Variants in KIR2DL4 observed in about 807,000 individuals in gnomAD.
The protein encoded by KIR2DL4 is killer cell immunoglobulin-like receptor 2DL4.
Under a neutral mutation model 31.0 loss-of-function variants are expected in KIR2DL4, and 41 were observed. The ratio of observed to expected loss-of-function variants is 1.32; its 90% CI spans 1.03 to 1.72. The LOEUF is 1.72. KIR2DL4 is among the 40% of genes most tolerant of loss of function. KIR2DL4 has a pLI of 0.00. For missense variants in KIR2DL4, 438 were observed against 353.7 expected (o/e 1.24, Z -1.91); for synonymous variants, 164 against 133.6 (o/e 1.23, Z -1.57).
intron 5 of KIR2DL4, among the ~76,000 whole-genome samples, chr19:54,810,285 A>ATT (rs199888594): frequency 2.8e-4 from 40 of 142,484 alleles, no homozygotes; most frequent in Non-Finnish European, 4.2e-4. Context: ...CGCCTGGCTA[A>ATT]TTTTTTTTTG....
intron 5 of KIR2DL4, among the ~76,000 whole-genome samples, chr19:54,812,680 C>G (rs1210313494): frequency 1.3e-5 from 2 of 150,062 alleles, no homozygotes; most frequent in African/African-American, 5.0e-5. Context: ...GCAGAGACCA[C>G]AGAGATCACA....
At chr19:54,805,176 C>A in intron 3 of KIR2DL4, 99 bp downstream of exon 3, 2 of 1,232,496 alleles carry the variant, frequency 1.6e-6, no homozygotes, top group Non-Finnish European at 2.2e-6. Context: ...CAGGCCCCAA[C>A]TATATTTGGG....
intron 5 of KIR2DL4, among the ~76,000 whole-genome samples, chr19:54,809,765 G>A (rs1601189056): frequency 6.6e-6 from 1 of 151,246 alleles, no homozygotes; most frequent in Non-Finnish European, 1.5e-5. Context: ...CATCTTTTAA[G>A]GACTTTGGCA....
intron 5 of KIR2DL4, 47 bp downstream of exon 5, chr19:54,808,930 G>C: frequency 6.8e-7 from 1 of 1,475,480 alleles, no homozygotes; most frequent in Non-Finnish European, 9.5e-7. Flanking sequence ...ACCTGGGGAG[G>C]TAGAAGCCTT....
chr19:54,807,440 G>A (rs1156810121), intron 4 of KIR2DL4, among the ~76,000 whole-genome samples: 2 of 151,332 alleles, frequency 1.3e-5, no homozygotes, highest in African/African-American at 4.9e-5. Flanking sequence ...TTTGTTTTAT[G>A]CTTTTTGTTT....
At chr19:54,813,928 T>G in exon 8 of KIR2DL4, 2 of 1,612,430 alleles carry the variant, frequency 1.2e-6, no homozygotes, top group Non-Finnish European at 8.5e-7. Flanking sequence ...CTGGCCCTTC[T>G]CAGAGGAGCA....
intron 3 of KIR2DL4, 67 bp from the exon 4 acceptor site, chr19:54,805,884 G>C: frequency 7.0e-7 from 1 of 1,421,002 alleles, no homozygotes; most frequent in Non-Finnish European, 9.6e-7. Context: ...TGAGTTCTCA[G>C]CTCAGGTGGG....
At chr19:54,814,177 C>A in exon 8 of KIR2DL4, 1 of 1,552,340 alleles carries the variant, frequency 6.4e-7, no homozygotes, top group Non-Finnish European at 8.8e-7. Flanking sequence ...CTGTCTCTTG[C>A]TTACCAATGT....
intron 5 of KIR2DL4, among the ~76,000 whole-genome samples, chr19:54,812,086 T>C (rs1358413380): frequency 6.6e-6 from 1 of 151,230 alleles, no homozygotes; most frequent in Non-Finnish European, 1.5e-5. Context: ...TCACTGTGTA[T>C]CAATCCCAGT....
chr19:54,814,275 C>G (rs2061079463), exon 8 of KIR2DL4: 1 of 760,342 alleles, frequency 1.3e-6, no homozygotes, highest in Non-Finnish European at 2.1e-6. Context: ...GCCCACCTCT[C>G]CAACCTAACT....
chr19:54,803,809 G>A, intron 1 of KIR2DL4, 82 bp from the exon 2 acceptor site: 1 of 1,566,426 alleles, frequency 6.4e-7, no homozygotes, highest in Non-Finnish European at 8.8e-7. Context: ...TTAATTTTCA[G>A]TCCAGCGTGG....
rs1470785060 is a variant in KIR2DL4, at chr19:54,806,322, G to C, written c.655+78G>C. 4.9e-6 allele frequency: 7 copies of C among 1,432,242 alleles called. No homozygotes were observed. The South Asian group carries it at 8.4e-5, about 17-fold the overall frequency. 88.7% of individuals were successfully genotyped at this position (1,432,242 alleles called of 1,614,324 possible). ...AGGAGCTTCCTGCTGATGATGGAGA[G>C]AAGCATGGACAGATGTGGAGAGAAG... On this transcript the variant is annotated intron_variant, in intron 4 of 7. Transcript: ENST00000359085.
intron 2 of KIR2DL4, among the ~76,000 whole-genome samples, chr19:54,804,528 G>A (rs1034014145): frequency 6.6e-6 from 1 of 150,906 alleles, no homozygotes; most frequent in Admixed American, 6.6e-5. Flanking sequence ...TCCACCCCAT[G>A]TCTACTTTGT....
At chr19:54,813,277 G>A in intron 6 of KIR2DL4, 8 of 1,598,786 alleles carry the variant, frequency 5.0e-6, no homozygotes, top group Non-Finnish European at 6.0e-6. Context: ...CTGTGCGGAA[G>A]CAGGATGGGA....
chr19:54,803,985 A>G (rs597598), intron 2 of KIR2DL4, 59 bp downstream of exon 2: 1,191,587 of 1,439,396 alleles, frequency 0.83, 497,759 homozygotes, highest in East Asian at 0.94. Context: ...TGAATTTTCC[A>G]GAAATGGGAG....
At chr19:54,808,937 C>T (rs796561818) in intron 5 of KIR2DL4, 54 bp downstream of exon 5, 1 of 1,424,756 alleles carries the variant, frequency 7.0e-7, no homozygotes, top group Non-Finnish European at 9.9e-7. Flanking sequence ...GAGGTAGAAG[C>T]CTTGGATTCA....
chr19:54,804,156 C>CTCATGAACTAGTAAGAGG (rs2060353412), intron 2 of KIR2DL4, among the ~76,000 whole-genome samples: 55 of 150,172 alleles, frequency 3.7e-4, no homozygotes, highest in South Asian at 4.3e-4. Flanking sequence ...CTGGTATGCT[C>CTCATGAACTAGTAAGAGG]AGCCCTCTGT....
chr19:54,807,704 C>T (rs1444470311), intron 4 of KIR2DL4, among the ~76,000 whole-genome samples: 2 of 149,480 alleles, frequency 1.3e-5, no homozygotes, highest in Admixed American at 1.3e-4. Flanking sequence ...TCCCAAGGTG[C>T]TGGGATTACA....
intron 5 of KIR2DL4, among the ~76,000 whole-genome samples, chr19:54,810,641 A>G (rs1395411065): frequency 6.6e-6 from 1 of 151,402 alleles, no homozygotes; most frequent in African/African-American, 2.4e-5. Flanking sequence ...AAATGCTGGG[A>G]ATGACATGGG....
Sources: gnomAD v4.1 joint callset for allele counts (sites outside exome capture counted in the v4.1 genomes callset) on GRCh38, gnomAD v4.1.1 for gene constraint, MANE v1.5 for transcripts, NCBI Gene and HGNC (gene_info 2026-07-23, HGNC 2026-07-21) for gene names.